ZC3H4: variants seen among roughly 807,000 people sequenced by gnomAD.
The protein encoded by ZC3H4 is zinc finger CCCH-type containing 4.
A neutral mutation model predicts 108.3 loss-of-function variants in ZC3H4; 13 were observed. The observed-to-expected ratio is 0.12, with a 90% CI of 0.08 to 0.19. ZC3H4 has a LOEUF of 0.19. Among genes scored for constraint, ZC3H4 ranks in the 10% least tolerant of loss-of-function variants. ZC3H4 has a pLI of 1.00. For missense variants in ZC3H4, 1,734 were observed against 1,838.8 expected (o/e 0.94, Z 1.04); for synonymous variants, 917 against 749.6 (o/e 1.22, Z -3.65).
intron 2 of ZC3H4, among the ~76,000 whole-genome samples, chr19:47,103,262 A>G (rs1184725263): frequency 6.6e-6 from 1 of 152,184 alleles, no homozygotes; most frequent in East Asian, 1.9e-4. Flanking sequence ...AGAAAGTCTA[A>G]TAATTTAACT....
At position 47,068,197 on chromosome 19, in the gene ZC3H4, T is replaced by C. The variant is rs535797486; in HGVS notation, c.2399-328A>G. Among the ~76,000 whole-genome samples, 29 of 152,366 alleles carry C rather than the reference T, an allele frequency of 1.9e-4. 1 individual carries two copies. Among genetic ancestry groups the C allele is most frequent in the African/African-American group, 6.0e-4 (25 of 41,588 alleles). On this transcript the variant is annotated intron_variant, in intron 14 of 14. Transcript: ENST00000253048. Reference sequence around the variant, plus strand: ...TGTGAAAACAGAAGCACAGTGCCGTTACATTGGAGTCAGGGCCAGGATCGG... The same window carrying C: ...TGTGAAAACAGAAGCACAGTGCCGTCACATTGGAGTCAGGGCCAGGATCGG...
At chr19:47,078,913 G>C (rs2057470008) in intron 11 of ZC3H4, among the ~76,000 whole-genome samples, 1 of 151,884 alleles carries the variant, frequency 6.6e-6, no homozygotes. Flanking sequence ...TGTAATCCCA[G>C]CTACTGTGGA....
intron 2 of ZC3H4, among the ~76,000 whole-genome samples, chr19:47,111,136 C>A (rs1014315308): frequency 6.6e-6 from 1 of 152,172 alleles, no homozygotes. Flanking sequence ...TCTCCACCCC[C>A]ATTCCCTCCA....
At chr19:47,107,243 C>T (rs1196449127) in intron 2 of ZC3H4, among the ~76,000 whole-genome samples, 1 of 152,176 alleles carries the variant, frequency 6.6e-6, no homozygotes. Context: ...GTTATTCTTA[C>T]TTCTGTTTAT....
At position 47,072,261 on chromosome 19, in the gene ZC3H4, C is replaced by A; in HGVS notation, c.1802+91G>T. 6.9e-7 allele frequency: 1 copy of A among 1,450,614 alleles called. No homozygotes were observed. The highest frequency in any genetic ancestry group is 9.4e-7 in the Non-Finnish European group (1 of 1,069,316). The allele number at this position is 1,450,614 out of a possible 1,614,324, so 89.9% of individuals were successfully genotyped here. ...CCCACAGCTGGGGAGAGAGGCAGGA[C>A]TCTCCCACAGCCAGGCTTGCCCTAA... On this transcript the variant is annotated intron_variant, in intron 12 of 14. Transcript: ENST00000253048. This position sits in a 1 kb window ranked among gnomAD's most constrained non-coding sequence, Gnocchi z 5.6.
At chr19:47,093,215 CA>C (rs918382221) in intron 4 of ZC3H4, among the ~76,000 whole-genome samples, 3,355 of 48,454 alleles carry the variant, frequency 0.069, 11 homozygotes, top group African/African-American at 0.084. Flanking sequence ...GACTCTGCCT[CA>C]AAAAAAAAAA....
intron 2 of ZC3H4, among the ~76,000 whole-genome samples, chr19:47,104,363 A>G (rs1160354901): frequency 2.0e-5 from 3 of 152,150 alleles, no homozygotes; most frequent in African/African-American, 7.2e-5. Flanking sequence ...GATACAACCT[A>G]TTCGTTAATT....
intron 2 of ZC3H4, chr19:47,110,879 T>C (rs1043235391): frequency 1.0e-6 from 1 of 981,476 alleles, no homozygotes; most frequent in East Asian, 1.1e-4. Context: ...AAAAAAAAAA[T>C]GTTGTAAAAG....
intron 6 of ZC3H4, among the ~76,000 whole-genome samples, chr19:47,085,653 G>T (rs552048133): frequency 6.6e-6 from 1 of 152,212 alleles, no homozygotes; most frequent in Admixed American, 6.5e-5. Context: ...CATCACTGTG[G>T]GGCTCTAAAA....
rs759824680 is a variant in ZC3H4 at position 47,066,670 on chromosome 19, C to G, written c.3598G>C (p.Glu1200Gln). Residue 1200 changes from glutamate to glutamine, a missense_variant, in exon 15 of 15, where the codon GAG becomes CAG. Physicochemically the swap from Glu to Gln is conservative, Grantham distance 29. This residue lies in a region of ZC3H4 where 518 missense variants were observed against 499.6 expected (regional missense o/e 1.04). Transcript: ENST00000253048. ...FVRKSALEQP[E>Q]TGKAGADGGT... Reference sequence around the variant, plus strand: ...CCATCAGCACCGGCCTTCCCTGTCTCTGGCTGTTCCAGGGCAGACTTGCGG... The same window carrying G: ...CCATCAGCACCGGCCTTCCCTGTCTGTGGCTGTTCCAGGGCAGACTTGCGG... The G allele has an allele frequency of 6.2e-7, 1 of 1,611,744 alleles. No homozygotes were observed. The highest frequency in any genetic ancestry group is 8.5e-7 in the Non-Finnish European group (1 of 1,179,592).
At chr19:47,090,318 G>T in intron 4 of ZC3H4, 129 bp from the exon 5 acceptor site, 1 of 1,005,700 alleles carries the variant, frequency 9.9e-7, no homozygotes, top group Non-Finnish European at 1.5e-6. Flanking sequence ...GGGTTGCACT[G>T]CTGGTCTCCA....
chr19:47,072,857 T>C lies in ZC3H4; in HGVS notation c.1441-144A>G, dbSNP rs1456587939. ...AAAGGCATAAAGACCACAATGGCTC[T>C]GTAACAAAAATCATCATCAGCCACC... On this transcript the variant is annotated intron_variant, in intron 11 of 14. Transcript: ENST00000253048. The surrounding 1 kb of genome is among the most constrained non-coding windows in gnomAD (Gnocchi z 5.6). The C allele has an allele frequency of 1.1e-6, 1 of 940,904 alleles. No homozygotes were observed. The highest frequency in any genetic ancestry group is 2.7e-5 in the Admixed American group (1 of 36,636). The allele number at this position is 940,904 out of a possible 1,614,324, so 58.3% of individuals were successfully genotyped here. A position where few individuals can be genotyped will look rare whatever the true frequency, so the allele number is the denominator to read the frequency against.
rs759056314 is a variant in ZC3H4, at chr19:47,071,864, G to C, written c.2060C>G (p.Pro687Arg). 9.3e-6 allele frequency: 15 copies of C among 1,613,464 alleles called. No individual in the cohort carries two copies. The highest frequency in any genetic ancestry group is 3.4e-6 in the Non-Finnish European group (4 of 1,179,852). Residue 687 changes from proline (P) to arginine (R), a missense_variant, in exon 13 of 15, where the codon CCT becomes CGT. This residue lies in a region of ZC3H4 where 540 missense variants were observed against 484.1 expected (regional missense o/e 1.12). Transcript: ENST00000253048. ...ATAGAAGTTCTGGGCTGGCGGGATA[G>C]GGGGCATCATTCCAGAATGTGGGGA... Reference protein sequence around the residue: ...GDSPHSGMMPPIPPAQNFYEN... With the variant: ...GDSPHSGMMPRIPPAQNFYEN...
intron 2 of ZC3H4, among the ~76,000 whole-genome samples, chr19:47,106,736 TAA>T (rs538065506): frequency 6.6e-6 from 1 of 152,174 alleles, no homozygotes; most frequent in Non-Finnish European, 1.5e-5. Flanking sequence ...CGACTCTAAA[TAA>T]AGTCTTCATG....
In ZC3H4 at chr19:47,067,023, A is replaced by G; in HGVS notation, c.3245T>C (p.Leu1082Pro). 1 of 1,598,734 alleles carries G rather than the reference A, an allele frequency of 6.3e-7. No individual in the cohort carries two copies. The highest frequency in any genetic ancestry group is 8.5e-7 in the Non-Finnish European group (1 of 1,172,370). The change falls in exon 15 of 15, where the codon CTG becomes CCG. Residue 1082 changes from leucine (L) to proline (P), a missense_variant. Physicochemically the swap from Leu to Pro is moderately conservative, Grantham distance 98. Around this residue, in one of 9 missense-constraint regions of ZC3H4, gnomAD observed 518 missense variants for 499.6 expected, o/e 1.04. Coordinates refer to ENST00000253048, the MANE Select transcript of ZC3H4 (RefSeq NM_015168.2). This position sits in a 1 kb window ranked among gnomAD's most constrained non-coding sequence, Gnocchi z 6.4. ...GGCCGTAGAGTCTGTGGGTTTCTGC[A>G]GCCGAGGGTCGGTGGGGGCCTTCCG... is the stretch of plus-strand genomic sequence containing the variant. ...RVRKAPTDPR[L>P]QKPTDSTASS... is the part of the protein sequence containing the mutation.
At chr19:47,097,031 C>T (rs2057832811) in intron 2 of ZC3H4, 3 of 980,534 alleles carry the variant, frequency 3.1e-6, no homozygotes, top group Non-Finnish European at 3.6e-6. Flanking sequence ...CATCTAACAC[C>T]TGCGGGCAGA....
intron 6 of ZC3H4, among the ~76,000 whole-genome samples, chr19:47,085,861 ACTT>A (rs890324465): frequency 1.4e-4 from 22 of 151,996 alleles, no homozygotes; most frequent in South Asian, 1.0e-3. Flanking sequence ...ATCCTGTGAT[ACTT>A]CTTCTTTTTC....
intron 2 of ZC3H4, among the ~76,000 whole-genome samples, chr19:47,099,177 G>A (rs1417770501): frequency 1.3e-5 from 2 of 152,114 alleles, no homozygotes; most frequent in East Asian, 1.9e-4. Context: ...GCTACAGCCA[G>A]GGCCGGGCGC....
chr19:47,076,918 G>A (rs2122775940), intron 11 of ZC3H4, among the ~76,000 whole-genome samples: 1 of 152,130 alleles, frequency 6.6e-6, no homozygotes, highest in Non-Finnish European at 1.5e-5. Context: ...GCTTGAACCT[G>A]GGAGGCGGAA....
Sources: gnomAD v4.1 joint callset for allele counts (sites outside exome capture counted in the v4.1 genomes callset) on GRCh38, gnomAD v4.1.1 for gene constraint, gnomAD v4.1.1 regional missense constraint, Gnocchi (gnomAD v3.1) non-coding constraint, MANE v1.5 for transcripts, NCBI Gene and HGNC (gene_info 2026-07-23, HGNC 2026-07-21) for gene names.